KCNT1: variants seen among roughly 807,000 people sequenced by gnomAD.
KCNT1 encodes the protein potassium sodium-activated channel subfamily T member 1.
Under a neutral mutation model 147.8 loss-of-function variants are expected in KCNT1, and 78 were observed. The observed-to-expected ratio is 0.53, with a 90% CI of 0.44 to 0.64. The LOEUF is 0.64. KCNT1 is among the 30% of genes least tolerant of loss of function. KCNT1 has a pLI of 0.00. For synonymous variants in KCNT1, 867 were observed against 748.8 expected (o/e 1.16, Z -2.58); for missense variants, 1,419 against 1,750.3 (o/e 0.81, Z 3.38).
chr9:135,792,190 A>C lies in KCNT1; in HGVS notation c.*29A>C. ...AGCCCTGCACGGAGCTCAGGCCACC[A>C]AGCCCGGGGTCCTCAGGAAGGACGT... On this transcript the variant is annotated 3_prime_UTR_variant, in exon 31 of 31. Coordinates refer to ENST00000371757, the MANE Select transcript of KCNT1 (RefSeq NM_020822.3). 6.3e-7 allele frequency: 1 copy of C among 1,595,044 alleles called. No homozygotes were observed. The highest frequency in any genetic ancestry group is 8.5e-7 in the Non-Finnish European group (1 of 1,174,272).
chr9:135,749,702 G>A (rs774118483), intron 2 of KCNT1, among the ~76,000 whole-genome samples: 11 of 152,340 alleles, frequency 7.2e-5, no homozygotes, highest in South Asian at 2.1e-4. Context: ...GAGCACTTGC[G>A]GTGTCCTGAG....
chr9:135,706,006 C>T (rs1231264843), intron 1 of KCNT1, among the ~76,000 whole-genome samples: 1 of 152,064 alleles, frequency 6.6e-6, no homozygotes, highest in Admixed American at 6.5e-5. Context: ...TGGCACAAGG[C>T]GGGCGCCCCG....
At chr9:135,768,416 G>A in intron 13 of KCNT1, 194 bp from the exon 14 acceptor site, 2 of 544,942 alleles carry the variant, frequency 3.7e-6, no homozygotes, top group Non-Finnish European at 3.2e-6. Context: ...GAGAGTAGGG[G>A]CCTCCTCCCG....
At chr9:135,740,973 A>ACAGAGCTCCAGTCCT (rs1318861193) in intron 2 of KCNT1, among the ~76,000 whole-genome samples, 1 of 147,328 alleles carries the variant, frequency 6.8e-6, no homozygotes. Context: ...CCTTGTTTGC[A>ACAGAGCTCCAGTCCT]CAGAGCTCCA....
intron 2 of KCNT1, among the ~76,000 whole-genome samples, chr9:135,735,132 G>A (rs867455852): frequency 5.9e-5 from 9 of 152,202 alleles, no homozygotes; most frequent in South Asian, 2.1e-4. Context: ...TACAAACAGC[G>A]CTCTCCCCTG....
At chr9:135,768,240 CGGGGGGGGGGGGG>C (rs751932639) in intron 13 of KCNT1, among the ~76,000 whole-genome samples, 3 of 5,084 alleles carry the variant, frequency 5.9e-4, no homozygotes, top group Middle Eastern at 0.1. Flanking sequence ...AGGATGCCTG[CGGGGGGGGGGGGG>C]GGGGCACTGG....
intron 1 of KCNT1, among the ~76,000 whole-genome samples, chr9:135,704,359 C>T (rs1260565177): frequency 6.6e-6 from 1 of 152,222 alleles, no homozygotes; most frequent in African/African-American, 2.4e-5. Flanking sequence ...ACCCCCAGCT[C>T]CACGCTAGTG....
chr9:135,772,232 C>T (rs1015165976), intron 18 of KCNT1, among the ~76,000 whole-genome samples: 1 of 152,158 alleles, frequency 6.6e-6, no homozygotes, highest in African/African-American at 2.4e-5. Context: ...CCTCACTGTA[C>T]CCACAGAGGC....
chr9:135,783,259 G>T lies in KCNT1; in HGVS notation c.2842-765G>T, dbSNP rs77025191. Among the ~76,000 whole-genome samples, 1,195 of 152,352 alleles carry T rather than the reference G, an allele frequency of 7.8e-3. 24 individuals carry two copies. The highest frequency in any genetic ancestry group is 0.027 in the African/African-American group (1,126 of 41,582). On this transcript the variant is annotated intron_variant, in intron 24 of 30. Transcript: ENST00000371757. Reference sequence around the variant, plus strand: ...CATCCGGCAGGTTCACGCCGTCAGGGTCCTTCTAGGGAGAGGCCAGAGGTC... The same window carrying T: ...CATCCGGCAGGTTCACGCCGTCAGGTTCCTTCTAGGGAGAGGCCAGAGGTC...
At chr9:135,728,443 C>T (rs1836305664) in intron 2 of KCNT1, among the ~76,000 whole-genome samples, 1 of 152,208 alleles carries the variant, frequency 6.6e-6, no homozygotes, top group South Asian at 2.1e-4. Flanking sequence ...GAAGTGAGAC[C>T]CCCACAGCCT....
chr9:135,747,145 G>A (rs1830873331), intron 2 of KCNT1, among the ~76,000 whole-genome samples: 1 of 152,086 alleles, frequency 6.6e-6, no homozygotes, highest in Non-Finnish European at 1.5e-5. Context: ...GGAGAACGGA[G>A]CGGAGGGGAG....
rs1034275832 is a variant in KCNT1, at chr9:135,755,050, C to T, written c.492-71C>T. On this transcript the variant is annotated intron_variant, in intron 5 of 30. Transcript: ENST00000371757. ...CCAGTGGAGGCCAATGGTTATGGCC[C>T]CAGCCCCAGGGTGGCTGGGGGACAC... is the stretch of plus-strand genomic sequence containing the variant. The T allele has an allele frequency of 4.8e-6, 7 of 1,447,592 alleles. No homozygotes were observed. The African/African-American group carries it at 8.6e-5, about 18-fold the overall frequency. The allele number at this position is 1,447,592 out of a possible 1,614,324, so 89.7% of individuals were successfully genotyped here. A position where few individuals can be genotyped will look rare whatever the true frequency, so the allele number is the denominator to read the frequency against.
In KCNT1 at chr9:135,730,570, G is replaced by T. The variant is rs1157004289; in HGVS notation, c.254+15850G>T. On this transcript the variant is annotated intron_variant, in intron 2 of 30. Transcript: ENST00000371757. The surrounding 1 kb of genome is among the most constrained non-coding windows in gnomAD (Gnocchi z 4.7). ...TGGGAGGAGGGGCCCAGCCGGGGAG[G>T]GTGGTGGTCACCGGAAGCTGGAAGA... Among the ~76,000 whole-genome samples the T allele has an allele frequency of 6.6e-6, 1 of 152,174 alleles. No individual in the cohort carries two copies. The highest frequency in any genetic ancestry group is 1.9e-4 in the East Asian group (1 of 5,176).
intron 11 of KCNT1, 89 bp downstream of exon 11, chr9:135,759,948 C>T: frequency 3.9e-6 from 5 of 1,283,474 alleles, no homozygotes; most frequent in Non-Finnish European, 5.3e-6. Flanking sequence ...GGCTGTGGCA[C>T]AGTGCGGGGG....
intron 2 of KCNT1, among the ~76,000 whole-genome samples, chr9:135,719,467 G>T (rs962967172): frequency 6.6e-6 from 1 of 152,136 alleles, no homozygotes; most frequent in Non-Finnish European, 1.5e-5. Context: ...GACACTTGGG[G>T]CTGTCACACC....
At position 135,714,920 on chromosome 9, in the gene KCNT1, G is replaced by A. The variant is rs1038048662; in HGVS notation, c.254+200G>A. 2.0e-5 allele frequency among the ~76,000 whole-genome samples: 3 copies of A among 152,218 alleles called. No homozygotes were observed. Among genetic ancestry groups the A allele is most frequent in the African/African-American group, 7.2e-5 (3 of 41,460 alleles). ...AGCATCTTCTCGGGAGGGGGTCTCC[G>A]GAGGAGGGCGCGGGATGCTCGGAGC... is the stretch of plus-strand genomic sequence containing the variant. On this transcript the variant is annotated intron_variant, in intron 2 of 30. Transcript: ENST00000371757. The surrounding 1 kb of genome is among the most constrained non-coding windows in gnomAD (Gnocchi z 6.2).
Position 135,770,070 on chromosome 9 carries a change from C to G in KCNT1, c.1619+15C>G. On this transcript the variant is annotated intron_variant, in intron 16 of 30. Coordinates refer to ENST00000371757, the MANE Select transcript of KCNT1 (RefSeq NM_020822.3). ...TCCCGCGGCCAGTGAGTGCCCCGTG[C>G]CCCGGGGGACCGACCTCCATGGCGG... 6.5e-7 allele frequency: 1 copy of G among 1,540,384 alleles called. No individual in the cohort carries two copies. Among genetic ancestry groups the G allele is most frequent in the Non-Finnish European group, 8.8e-7 (1 of 1,139,966 alleles).
chr9:135,770,260 C>A lies in KCNT1; in HGVS notation c.1620-38C>A, dbSNP rs74843718. ...GCCGGGGAGAAGGGGCAGCCATGGC[C>A]GAGGGTGACGCTCCCCTGGCCCCGC... On this transcript the variant is annotated intron_variant, in intron 16 of 30. Coordinates refer to ENST00000371757, the MANE Select transcript of KCNT1 (RefSeq NM_020822.3). 3.9e-6 allele frequency: 6 copies of A among 1,555,452 alleles called. No homozygotes were observed. The East Asian group carries it at 1.1e-4, about 29-fold the overall frequency.
At chr9:135,776,828 C>G (rs1833206954) in intron 20 of KCNT1, among the ~76,000 whole-genome samples, 1 of 152,228 alleles carries the variant, frequency 6.6e-6, no homozygotes, top group African/African-American at 2.4e-5. Context: ...CTGACACGAT[C>G]CCCTCACCCT....
Sources: gnomAD v4.1 joint callset for allele counts (sites outside exome capture counted in the v4.1 genomes callset) on GRCh38, gnomAD v4.1.1 for gene constraint, Gnocchi (gnomAD v3.1) non-coding constraint, MANE v1.5 for transcripts, NCBI Gene and HGNC (gene_info 2026-07-23, HGNC 2026-07-21) for gene names.